TMA7: variants seen among roughly 807,000 people sequenced by gnomAD.
TMA7 encodes the protein translation machinery-associated protein 7.
TMA7 carries 5 observed loss-of-function variants against 12.5 expected under a neutral mutation model. That is an observed-to-expected ratio of 0.40 (90% CI 0.21 to 0.84). The LOEUF is 0.84. Ranked by LOEUF, TMA7 falls within the 40% of genes least tolerant of loss-of-function variation. The pLI, the probability that TMA7 is intolerant of heterozygous loss-of-function variation, is 0.36. For synonymous variants in TMA7, 36 were observed against 28.1 expected, an observed-to-expected ratio of 1.28 and a Z score of -0.89; for missense variants, 71 against 75.4, an observed-to-expected ratio of 0.94 and a Z score of 0.22.
rs748673790 is a variant in TMA7 at position 48,440,581 on chromosome 3, A to G, written c.113A>G (p.Lys38Arg). The change falls in exon 3 of 4, where the codon AAG (lysine) becomes AGG (arginine). Residue 38 changes from lysine to arginine, a missense_variant. Physicochemically the swap from Lys to Arg is conservative, Grantham distance 26. Coordinates refer to ENST00000438607, the MANE Select transcript of TMA7 (RefSeq NM_015933.6). Reference sequence around the variant, plus strand: ...AAGCAGAAACAAAAAGAGGAGCAGAAGAAACTCGAGGAGCTAAAAGCGAAG... The same window carrying G: ...AAGCAGAAACAAAAAGAGGAGCAGAGGAAACTCGAGGAGCTAAAAGCGAAG... ...AFKQKQKEEQ[K>R]KLEELKAKAA... is the part of the protein sequence containing the mutation. 6.2e-7 allele frequency: 1 copy of G among 1,611,850 alleles called. No homozygotes were observed. The highest frequency in any genetic ancestry group is 8.5e-7 in the Non-Finnish European group (1 of 1,179,790).
chr3:48,441,584 G>C (rs1364532076), intron 3 of TMA7, among the ~76,000 whole-genome samples: 1 of 151,702 alleles, frequency 6.6e-6, no homozygotes, highest in Non-Finnish European at 1.5e-5. Context: ...AAAAGATAAA[G>C]TCCAGGCTCT....
intron 3 of TMA7, among the ~76,000 whole-genome samples, chr3:48,441,413 C>T (rs1270415375): frequency 1.3e-5 from 2 of 151,342 alleles, no homozygotes; most frequent in Non-Finnish European, 2.9e-5. Flanking sequence ...GAACTCCTGA[C>T]TTCAAGTGAT....
At chr3:48,442,243 A>G (rs1315622127) in intron 3 of TMA7, among the ~76,000 whole-genome samples, 3 of 144,976 alleles carry the variant, frequency 2.1e-5, no homozygotes, top group East Asian at 4.0e-4. Context: ...CCTGGGAGAT[A>G]GAATGAGACC....
chr3:48,440,997 T>C (rs1244893892), intron 3 of TMA7: 1 of 304,466 alleles, frequency 3.3e-6, no homozygotes, highest in South Asian at 3.9e-5. Flanking sequence ...GAACCTTACT[T>C]GACTTAGAAG....
chr3:48,443,804 A>G (rs771887340), intron 3 of TMA7, 44 bp from the exon 4 acceptor site: 2 of 1,521,982 alleles, frequency 1.3e-6, no homozygotes, highest in South Asian at 1.3e-5. Flanking sequence ...CTTCTACCGT[A>G]AGAACTATAT....
At chr3:48,442,181 G>C (rs1480733435) in intron 3 of TMA7, among the ~76,000 whole-genome samples, 2 of 151,660 alleles carry the variant, frequency 1.3e-5, no homozygotes, top group South Asian at 2.1e-4. Context: ...AGGATTATTT[G>C]AGCACGGGAG....
rs755618284 is a variant in TMA7, at chr3:48,440,528, T to C, written c.73-13T>C. 2.5e-6 allele frequency: 4 copies of C among 1,609,548 alleles called. No homozygotes were observed. The South Asian group carries it at 3.3e-5, about 13-fold the overall frequency. On this transcript the variant is annotated splice_polypyrimidine_tract_variant and intron_variant, in intron 2 of 3. Transcript: ENST00000438607. ...AGACAGGCCTGAGTTGAACACGCTC[T>C]GCCTCTCCCCAGGAAGATAAGGCTT...
Position 48,444,200 on chromosome 3 carries a change from T to C in TMA7, c.*318T>C, listed in dbSNP as rs1004296182. 1.7e-5 allele frequency: 4 copies of C among 236,830 alleles called. No individual in the cohort carries two copies. The highest frequency in any genetic ancestry group is 3.2e-5 in the Non-Finnish European group (4 of 123,784). 14.7% of individuals were successfully genotyped at this position (236,830 alleles called of 1,614,324 possible). ...ATCACCTGAAATTAAACCAACTCAT[T>C]TGAAAGGATGGCGTTCTTGTGTGGT... On this transcript the variant is annotated 3_prime_UTR_variant, in exon 4 of 4. Coordinates refer to ENST00000438607, the MANE Select transcript of TMA7 (RefSeq NM_015933.6).
At chr3:48,441,993 G>A (rs781276040) in intron 3 of TMA7, among the ~76,000 whole-genome samples, 10 of 151,466 alleles carry the variant, frequency 6.6e-5, no homozygotes, top group Non-Finnish European at 1.3e-4. Flanking sequence ...AAGTGCTTTG[G>A]GAGGCCTAAG....
At chr3:48,440,975 C>G (rs539760797) in intron 3 of TMA7, 6 of 390,492 alleles carry the variant, frequency 1.5e-5, no homozygotes, top group Admixed American at 4.4e-5. Context: ...ATTTCACTGC[C>G]TTCTAGTGTT....
At chr3:48,440,663 A>G (rs2039538034) in intron 3 of TMA7, 35 bp downstream of exon 3, 1 of 1,585,670 alleles carries the variant, frequency 6.3e-7, no homozygotes, top group Non-Finnish European at 8.6e-7. Flanking sequence ...AAGCTGGCCA[A>G]ACGCTATGAG....
At chr3:48,442,277 AAAG>A (rs1320907363) in intron 3 of TMA7, among the ~76,000 whole-genome samples, 166 of 150,872 alleles carry the variant, frequency 1.1e-3, no homozygotes, top group African/African-American at 3.9e-3. Context: ...AAAAAAAAAA[AAAG>A]GTATCTTGCA....
chr3:48,442,345 C>G (rs909706760), intron 3 of TMA7, among the ~76,000 whole-genome samples: 4 of 150,862 alleles, frequency 2.7e-5, no homozygotes, highest in African/African-American at 9.8e-5. Context: ...TAGTGTAACT[C>G]TATGCTAGTT....
At chr3:48,440,910 A>C (rs966063419) in intron 3 of TMA7, 1 of 515,244 alleles carries the variant, frequency 1.9e-6, no homozygotes, top group Non-Finnish European at 3.4e-6. Flanking sequence ...ACGCAGATTC[A>C]CAGTTAAGTT....
chr3:48,441,432 C>T (rs1000335407), intron 3 of TMA7, among the ~76,000 whole-genome samples: 4 of 151,970 alleles, frequency 2.6e-5, no homozygotes, highest in East Asian at 1.9e-4. Context: ...ATTCACCCGC[C>T]TCTGCCTCCC....
In TMA7 at chr3:48,444,007, A is replaced by G; in HGVS notation, c.*125A>G. On this transcript the variant is annotated 3_prime_UTR_variant, in exon 4 of 4. Coordinates refer to ENST00000438607, the MANE Select transcript of TMA7 (RefSeq NM_015933.6). ...TTAAGTGTTGTCTTGGAGCTGTTGT[A>G]CATTTAAGAATAAACTTTTGTAAAA... The G allele has an allele frequency of 1.3e-5, 9 of 688,678 alleles. No individual in the cohort carries two copies. The highest frequency in any genetic ancestry group is 1.9e-5 in the Non-Finnish European group (9 of 470,602). 42.7% of individuals were successfully genotyped at this position (688,678 alleles called of 1,614,324 possible).
In TMA7 at chr3:48,443,852, A is replaced by T; in HGVS notation, c.165A>T (p.Thr55=). 6.4e-7 allele frequency: 1 copy of T among 1,560,340 alleles called. No homozygotes were observed. The highest frequency in any genetic ancestry group is 8.6e-7 in the Non-Finnish European group (1 of 1,160,048). Residue 55 remains threonine, a synonymous_variant, in exon 4 of 4, where the codon ACA becomes ACT. Transcript: ENST00000438607. ...AKAAGKGPLA[T]GGIKKSGKK ...GTGACTATTTTTCTTTTGCAGCCAC[A>T]GGTGGAATTAAGAAATCTGGCAAAA...
In TMA7 at chr3:48,440,479, A is replaced by C. The variant is rs754975608; in HGVS notation, c.72+21A>C. ...ACGAGGTGAGGGCGGGCGCGGAGGC[A>C]CTGGCGGGTGCGGGGGCGCTGGGAG... On this transcript the variant is annotated intron_variant, in intron 2 of 3. Coordinates refer to ENST00000438607, the MANE Select transcript of TMA7 (RefSeq NM_015933.6). 9 of 1,608,582 alleles carry C rather than the reference A, an allele frequency of 5.6e-6. No homozygotes were observed. In the Admixed American group the frequency reaches 6.8e-5, roughly 12 times the overall value.
At chr3:48,440,350 G>T (rs759890874) in intron 1 of TMA7, 38 bp downstream of exon 1, 6 of 1,611,934 alleles carry the variant, frequency 3.7e-6, no homozygotes, top group Non-Finnish European at 5.1e-6. Context: ...CGGGGACGGC[G>T]GGGTGGGGAC....
Sources: gnomAD v4.1 joint callset for allele counts (sites outside exome capture counted in the v4.1 genomes callset) on GRCh38, gnomAD v4.1.1 for gene constraint, MANE v1.5 for transcripts, NCBI Gene and HGNC (gene_info 2026-07-23, HGNC 2026-07-21) for gene names.